Variants in GALNT14 observed in about 807,000 individuals in gnomAD.
GALNT14 encodes polypeptide N-acetylgalactosaminyltransferase 14.
Under a neutral mutation model 77.5 loss-of-function variants are expected in GALNT14, and 60 were observed. The observed-to-expected ratio is 0.77, with a 90% CI of 0.63 to 0.96. The LOEUF (loss-of-function observed/expected upper bound fraction) is 0.96, where lower values mean the gene tolerates loss of function less well. Ranked by LOEUF, GALNT14 falls within the 40% of genes least tolerant of loss-of-function variation. The pLI, the probability that GALNT14 is intolerant of heterozygous loss-of-function variation, is 0.00. For missense variants in GALNT14, 710 were observed against 731.0 expected, an observed-to-expected ratio of 0.97 and a Z score of 0.33; for synonymous variants, 280 against 281.7, an observed-to-expected ratio of 0.99 and a Z score of 0.06.
intron 1 of GALNT14, among the ~76,000 whole-genome samples, chr2:31,051,465 C>T (rs1477042104): frequency 6.6e-6 from 1 of 152,340 alleles, no homozygotes; most frequent in African/African-American, 2.4e-5. Context: ...CACAGAACCC[C>T]TGTCTGAGAT....
chr2:31,107,844 C>T (rs111614064), intron 1 of GALNT14, among the ~76,000 whole-genome samples: 2 of 152,144 alleles, frequency 1.3e-5, no homozygotes, highest in African/African-American at 2.4e-5. Context: ...GATTTCACCT[C>T]GGTCCTGTTT....
intron 1 of GALNT14, among the ~76,000 whole-genome samples, chr2:31,005,756 T>A (rs1388389189): frequency 3.3e-5 from 5 of 152,244 alleles, no homozygotes; most frequent in Admixed American, 2.6e-4. Flanking sequence ...TTCCTGGGAC[T>A]CAGCAGGTGT....
At chr2:30,930,651 G>A (rs1476541470) in intron 10 of GALNT14, among the ~76,000 whole-genome samples, 1 of 152,214 alleles carries the variant, frequency 6.6e-6, no homozygotes, top group African/African-American at 2.4e-5. Flanking sequence ...AACTGAAAAG[G>A]GGGTGCTCTT....
At chr2:31,129,565 T>G in intron 1 of GALNT14, 31 of 985,308 alleles carry the variant, frequency 3.1e-5, no homozygotes, top group Non-Finnish European at 3.7e-5. Context: ...CGTGGCCTGA[T>G]CTCCCTGAGA....
At chr2:31,083,392 G>C (rs1012151483) in intron 1 of GALNT14, among the ~76,000 whole-genome samples, 25 of 152,214 alleles carry the variant, frequency 1.6e-4, no homozygotes, top group Non-Finnish European at 1.5e-5. Context: ...CTTGGTGAAA[G>C]GAATGTAGTG....
chr2:30,954,859 T>C (rs933335127), intron 6 of GALNT14, among the ~76,000 whole-genome samples: 3 of 152,146 alleles, frequency 2.0e-5, no homozygotes, highest in Non-Finnish European at 4.4e-5. Context: ...GTGAAGTGGG[T>C]ATATTAAAAA....
At chr2:30,918,710 G>T (rs1664847053) in intron 13 of GALNT14, among the ~76,000 whole-genome samples, 1 of 144,388 alleles carries the variant, frequency 6.9e-6, no homozygotes, top group African/African-American at 2.6e-5. Flanking sequence ...CGGGCAGGGA[G>T]GGTGGCATCG....
At chr2:31,112,689 G>C (rs187104277) in intron 1 of GALNT14, among the ~76,000 whole-genome samples, 50 of 152,262 alleles carry the variant, frequency 3.3e-4, no homozygotes, top group Admixed American at 3.0e-3. Flanking sequence ...CCCATCCCCT[G>C]TATGACAAAG....
chr2:31,107,221 C>T (rs925716745), intron 1 of GALNT14, among the ~76,000 whole-genome samples: 3 of 152,118 alleles, frequency 2.0e-5, no homozygotes, highest in South Asian at 2.1e-4. Flanking sequence ...CCAGGAGGTA[C>T]GTTTCTTCAG....
intron 2 of GALNT14, 141 bp from the exon 3 acceptor site, chr2:30,966,443 G>C (rs1341872949): frequency 4.7e-5 from 29 of 619,826 alleles, no homozygotes; most frequent in Non-Finnish European, 1.5e-5. Context: ...CAGAGTACTA[G>C]GTAAGACCCC....
intron 1 of GALNT14, among the ~76,000 whole-genome samples, chr2:31,009,786 C>T (rs983659446): frequency 6.6e-6 from 1 of 152,100 alleles, no homozygotes; most frequent in Admixed American, 6.5e-5. Context: ...ATTCCTTCTT[C>T]CTCATTCTAA....
chr2:31,127,531 T>C (rs1475200135), intron 1 of GALNT14, among the ~76,000 whole-genome samples: 1 of 152,198 alleles, frequency 6.6e-6, no homozygotes, highest in Admixed American at 6.5e-5. Context: ...AGAGACCATA[T>C]AACCTAAAAA....
chr2:30,992,864 C>T lies in GALNT14; in HGVS notation c.273G>A (p.Arg91=), dbSNP rs137926962. The T allele has an allele frequency of 1.8e-4, 283 of 1,613,984 alleles. No homozygotes were observed. In the African/African-American group the frequency reaches 3.1e-3, roughly 18 times the overall value. ...TCAGATGGCGAGTGTCCGGGATGGC[C>T]CGATTGCTGGAGATCCGCTCACTCT... ...QRESERISSN[R]AIPDTRHLRC... Residue 91 remains arginine (R), a synonymous_variant, in exon 2 of 15, where the codon CGG becomes CGA. Coordinates refer to ENST00000349752, the MANE Select transcript of GALNT14 (RefSeq NM_024572.4).
chr2:31,014,000 C>T (rs1436583850), intron 1 of GALNT14, among the ~76,000 whole-genome samples: 1 of 152,196 alleles, frequency 6.6e-6, no homozygotes, highest in East Asian at 1.9e-4. Context: ...GGAATGAAAA[C>T]AGATGAACCT....
intron 1 of GALNT14, among the ~76,000 whole-genome samples, chr2:31,093,273 A>T (rs1300441174): frequency 6.6e-6 from 1 of 152,240 alleles, no homozygotes; most frequent in Non-Finnish European, 1.5e-5. Flanking sequence ...ACAGCCTTGC[A>T]GTCCCTGGCT....
intron 1 of GALNT14, among the ~76,000 whole-genome samples, chr2:31,076,433 C>T (rs1675792478): frequency 6.6e-6 from 1 of 152,114 alleles, no homozygotes; most frequent in Non-Finnish European, 1.5e-5. Context: ...CGCTCTGAGA[C>T]CACCATCCTC....
At chr2:31,017,741 A>C (rs1023579544) in intron 1 of GALNT14, among the ~76,000 whole-genome samples, 1 of 152,216 alleles carries the variant, frequency 6.6e-6, no homozygotes, top group Non-Finnish European at 1.5e-5. Flanking sequence ...GCACCGCTGC[A>C]CAGGGCACAA....
intron 1 of GALNT14, chr2:31,132,508 A>C (rs1679043520): frequency 3.3e-6 from 1 of 307,228 alleles, no homozygotes; most frequent in African/African-American, 2.2e-5. Flanking sequence ...GCACCCACAC[A>C]GCAACTGAAA....
chr2:31,090,372 A>G (rs1558562596), intron 1 of GALNT14, among the ~76,000 whole-genome samples: 1 of 148,940 alleles, frequency 6.7e-6, no homozygotes, highest in Non-Finnish European at 1.5e-5. Context: ...GCACACGTGG[A>G]TGGCCAATGA....
Sources: allele counts gnomAD v4.1 joint callset (sites outside exome capture counted in the v4.1 genomes callset), GRCh38; gene constraint gnomAD v4.1.1; transcripts MANE v1.5; gene names NCBI Gene and HGNC (gene_info 2026-07-23, HGNC 2026-07-21).